Variants in USF2 observed in about 807,000 individuals in gnomAD.
USF2 encodes the protein upstream transcription factor 2, c-fos interacting.
USF2 carries 16 observed loss-of-function variants against 46.9 expected under a neutral mutation model. The observed-to-expected ratio is 0.34, with a 90% confidence interval of 0.23 to 0.52. The LOEUF (loss-of-function observed/expected upper bound fraction) is 0.52, where lower values mean the gene tolerates loss of function less well. USF2 is among the 20% of genes least tolerant of loss of function. USF2 has a pLI of 0.96. For missense variants in USF2, 411 were observed against 474.0 expected (o/e 0.87, Z 1.23); for synonymous variants, 239 against 194.1 (o/e 1.23, Z -1.92).
chr19:35,271,748 C>G (rs1193491176), intron 7 of USF2, among the ~76,000 whole-genome samples: 1 of 152,354 alleles, frequency 6.6e-6, no homozygotes, highest in East Asian at 1.9e-4. Flanking sequence ...AGTGCTTACA[C>G]CCAAACAACC....
intron 5 of USF2, 59 bp from the exon 6 acceptor site, chr19:35,270,659 C>T (rs971393539): frequency 1.9e-6 from 3 of 1,610,918 alleles, no homozygotes; most frequent in Admixed American, 1.7e-5. Context: ...GGAGGGAAGC[C>T]CCCCCAGCCA....
In USF2 at chr19:35,278,815, G is replaced by GTC. The variant is rs779012463; in HGVS notation, c.822+25_822+26dup. 2.3e-5 allele frequency: 37 copies of GTC among 1,613,530 alleles called. 1 individual carries two copies. In the South Asian group the frequency reaches 4.0e-4, roughly 17 times the overall value. On this transcript the variant is annotated intron_variant, in intron 8 of 9. Coordinates refer to ENST00000222305, the MANE Select transcript of USF2 (RefSeq NM_003367.4). Reference sequence around the variant, plus strand: ...GCGGTGAGCACCCCGGACCCTCAGTGTCTGCGGTGGTCCCGGCCCCCGACC... The same window carrying GTC: ...GCGGTGAGCACCCCGGACCCTCAGTGTCTCTGCGGTGGTCCCGGCCCCCGACC...
chr19:35,274,502 G>T (rs761366314), intron 7 of USF2, among the ~76,000 whole-genome samples: 4 of 152,310 alleles, frequency 2.6e-5, no homozygotes, highest in South Asian at 2.1e-4. Context: ...TCTCAGGAAG[G>T]GGTGTGTGGC....
rs903928752 is a variant in USF2, at chr19:35,270,698, A to T, written c.581-20A>T. 9 of 1,612,530 alleles carry T rather than the reference A, an allele frequency of 5.6e-6. No individual in the cohort carries two copies. The African/African-American group carries it at 1.2e-4, about 22-fold the overall frequency. Reference sequence around the variant, plus strand: ...CTGACTTCACCCTGCCTTGCCACTAACCCCCCACTCTCCCTGCAGGCCAGT... The same window carrying T: ...CTGACTTCACCCTGCCTTGCCACTATCCCCCCACTCTCCCTGCAGGCCAGT... On this transcript the variant is annotated intron_variant, in intron 5 of 9. Coordinates refer to ENST00000222305, the MANE Select transcript of USF2 (RefSeq NM_003367.4).
At position 35,279,054 on chromosome 19, in the gene USF2, A is replaced by G; in HGVS notation, c.931A>G (p.Asn311Asp). ...AGAGGCCGAGCGGCTGCAGATGGAC[A>G]ACGAGCTCCTGAGGCAGCAGGTGGG... ...FKEAERLQMD[N>D]ELLRQQIEEL... is the part of the protein sequence containing the mutation. Residue 311 changes from asparagine (N) to aspartate (D), a missense_variant, in exon 9 of 10, where the codon AAC (asparagine) becomes GAC (aspartate). This residue lies in a region of USF2 where 93 missense variants were observed against 151.6 expected (regional missense o/e 0.61). Coordinates refer to ENST00000222305, the MANE Select transcript of USF2 (RefSeq NM_003367.4). The G allele has an allele frequency of 6.2e-7, 1 of 1,600,528 alleles. No homozygotes were observed. Among genetic ancestry groups the G allele is most frequent in the Non-Finnish European group, 8.5e-7 (1 of 1,173,222 alleles).
chr19:35,272,998 A>G (rs2066179509), intron 7 of USF2, among the ~76,000 whole-genome samples: 1 of 151,776 alleles, frequency 6.6e-6, no homozygotes, highest in African/African-American at 2.4e-5. Context: ...GTGGGGATGC[A>G]GTGAGTCTTG....
intron 7 of USF2, chr19:35,277,035 G>A (rs1339258926): frequency 6.6e-6 from 1 of 152,304 alleles, no homozygotes; most frequent in African/African-American, 2.4e-5. Flanking sequence ...AGGCTGAAAC[G>A]AGGCCGCCTG....
intron 9 of USF2, 45 bp from the exon 10 acceptor site, chr19:35,279,122 A>G (rs751251804): frequency 1.9e-6 from 3 of 1,612,758 alleles, no homozygotes; most frequent in East Asian, 2.2e-5. Flanking sequence ...CCCCAGATGC[A>G]AGGCGCTGGC....
rs373661472 is a variant in USF2 at position 35,277,661 on chromosome 19, A to C, written c.728-1037A>C. 6 of 152,360 alleles carry C rather than the reference A, an allele frequency of 3.9e-5. 1 individual carries two copies. Among genetic ancestry groups the C allele is most frequent in the Admixed American group, 6.5e-5 (1 of 15,308 alleles). 9.4% of individuals were successfully genotyped at this position (152,360 alleles called of 1,614,324 possible). ...TTCCTGCCACATGTGCCCTAGCTAT[A>C]GGGCTTCGTTCCCCTCCACAAATGG... On this transcript the variant is annotated intron_variant, in intron 7 of 9. Transcript: ENST00000222305.
At chr19:35,276,393 GAA>G (rs1238612020) in intron 7 of USF2, among the ~76,000 whole-genome samples, 6 of 152,166 alleles carry the variant, frequency 3.9e-5, no homozygotes, top group Non-Finnish European at 7.3e-5. Context: ...TGGAGTAACT[GAA>G]GTGCTTCTGT....
intron 7 of USF2, among the ~76,000 whole-genome samples, chr19:35,274,402 T>C (rs978838969): frequency 6.6e-6 from 1 of 152,118 alleles, no homozygotes; most frequent in African/African-American, 2.4e-5. Flanking sequence ...TTTCCCTCCT[T>C]CCCACCACTT....
rs1286543572 is a variant in USF2 at position 35,269,038 on chromosome 19, TCCCTCCCTCCCCTC to T, written c.-56_-43del. 3.0e-4 allele frequency: 1 copy of T among 3,326 alleles called. No homozygotes were observed. The allele number at this position is 3,326 out of a possible 1,614,324, so 0.2% of individuals were successfully genotyped here. On this transcript the variant is annotated 5_prime_UTR_variant, in exon 1 of 10. Coordinates refer to ENST00000222305, the MANE Select transcript of USF2 (RefSeq NM_003367.4). The stretch of plus-strand genomic sequence containing the variant: ...CCCCCCGGCCGCCCGCCCCCTCCCC[TCCCTCCCTCCCCTC>T]CCCTCCCCTCCCCCCCGGGCCCCGC...
chr19:35,269,869 G>A lies in USF2; in HGVS notation c.295G>A (p.Val99Ile). 1 of 1,421,146 alleles carries A rather than the reference G, an allele frequency of 7.0e-7. No homozygotes were observed. Among genetic ancestry groups the A allele is most frequent in the East Asian group, 3.0e-5 (1 of 33,614 alleles). The allele number at this position is 1,421,146 out of a possible 1,614,324, so 88.0% of individuals were successfully genotyped here. Residue 99 changes from valine to isoleucine, a missense_variant, in exon 4 of 10, where the codon GTC (valine) becomes ATC (isoleucine). Physicochemically the swap from Val to Ile is conservative, Grantham distance 29. Transcript: ENST00000222305. ...LDGQGDTAGAVSVVSTAAFAG... is the reference protein window; with the variant it reads ...LDGQGDTAGAISVVSTAAFAG... ...CGGCCAGGGCGACACAGCTGGCGCC[G>A]TCAGCGTCGTGTCCACCGCTGCCTT... is the stretch of plus-strand genomic sequence containing the variant.
Position 35,279,275 on chromosome 19 carries a change from AGCCGCCGCCGCCCACGCC to A in USF2, c.*21_*38del. On this transcript the variant is annotated 3_prime_UTR_variant, in exon 10 of 10. Transcript: ENST00000222305. ...GCAGTGACGCCCGCCACCACCACGC[AGCCGCCGCCGCCCACGCC>A]GGCCTCTGCTGCCCCCTTCCCCAGC... 6.7e-7 allele frequency: 1 copy of A among 1,485,386 alleles called. No individual in the cohort carries two copies. The highest frequency in any genetic ancestry group is 9.0e-7 in the Non-Finnish European group (1 of 1,115,212). The allele number at this position is 1,485,386 out of a possible 1,614,324, so 92.0% of individuals were successfully genotyped here. A position where few individuals can be genotyped will look rare whatever the true frequency, so the allele number is the denominator to read the frequency against.
chr19:35,270,098 GCC>G, intron 4 of USF2, 95 bp downstream of exon 4: 1 of 1,288,398 alleles, frequency 7.8e-7, no homozygotes, highest in South Asian at 2.0e-5. Context: ...GGCAGGTGTC[GCC>G]CAGCGGATGC....
At chr19:35,270,386 G>A in intron 4 of USF2, 61 bp from the exon 5 acceptor site, 1 of 1,573,278 alleles carries the variant, frequency 6.4e-7, no homozygotes, top group Non-Finnish European at 8.6e-7. Flanking sequence ...GCACAGCAAT[G>A]AGGGGACGGG....
chr19:35,269,453 A>C lies in USF2; in HGVS notation c.70A>C (p.Lys24Gln). ...CTCCTGTGCCCCTGGCAGCCACGACAAGGGACCCGAGGCGGAGGAGGGCGT... is the reference window on the plus strand; with the variant it reads ...CTCCTGTGCCCCTGGCAGCCACGACCAGGGACCCGAGGCGGAGGAGGGCGT... ...ATAAAAASHD[K>Q]GPEAEEGVEL... The change falls in exon 2 of 10, where the codon AAG (lysine) becomes CAG (glutamine). Residue 24 changes from lysine to glutamine, a missense_variant. Physicochemically the swap from Lys to Gln is moderately conservative, Grantham distance 53. This residue lies in a region of USF2 where 318 missense variants were observed against 322.4 expected (regional missense o/e 0.99). Coordinates refer to ENST00000222305, the MANE Select transcript of USF2 (RefSeq NM_003367.4). The C allele has an allele frequency of 2.6e-6, 4 of 1,536,256 alleles. No individual in the cohort carries two copies. The highest frequency in any genetic ancestry group is 3.5e-6 in the Non-Finnish European group (4 of 1,150,606).
At chr19:35,272,828 G>A (rs1324118625) in intron 7 of USF2, among the ~76,000 whole-genome samples, 3 of 152,022 alleles carry the variant, frequency 2.0e-5, no homozygotes, top group African/African-American at 7.3e-5. Flanking sequence ...AAGGGAAGGG[G>A]TGCATCTGAG....
intron 7 of USF2, chr19:35,277,275 T>C (rs993706837): frequency 2.0e-5 from 3 of 152,820 alleles, no homozygotes; most frequent in Admixed American, 6.5e-5. Flanking sequence ...AGCACTGATC[T>C]TGGGCTATTG....
Sources: allele counts gnomAD v4.1 joint callset (sites outside exome capture counted in the v4.1 genomes callset), GRCh38; gene constraint gnomAD v4.1.1; regional missense constraint gnomAD v4.1.1; transcripts MANE v1.5; gene names NCBI Gene and HGNC (gene_info 2026-07-23, HGNC 2026-07-21).